The following MACROH2A2 variants were observed in gnomAD, a reference collection of about 807,000 sequenced individuals.
MACROH2A2 encodes the protein core histone macro-H2A.2.
A neutral mutation model predicts 37.6 loss-of-function variants in MACROH2A2; 6 were observed. The observed-to-expected ratio is 0.16, with a 90% CI of 0.09 to 0.32. The LOEUF is 0.32. Ranked by LOEUF, MACROH2A2 falls within the 10% of genes least tolerant of loss-of-function variation. The pLI, the probability that MACROH2A2 is intolerant of heterozygous loss-of-function variation, is 1.00. For synonymous variants in MACROH2A2, 192 were observed against 202.7 expected (o/e 0.95, Z 0.45); for missense variants, 290 against 485.9 (o/e 0.60, Z 3.79).
chr10:70,069,958 A>T (rs2072099652), intron 1 of MACROH2A2, among the ~76,000 whole-genome samples: 1 of 152,198 alleles, frequency 6.6e-6, no homozygotes, highest in Admixed American at 6.5e-5. Context: ...GGTGGTCTTT[A>T]GAAAGCAGGG....
intron 8 of MACROH2A2, among the ~76,000 whole-genome samples, chr10:70,109,733 A>G (rs1279354215): frequency 6.6e-6 from 1 of 152,236 alleles, no homozygotes; most frequent in Non-Finnish European, 1.5e-5. Context: ...CTGCAGAGCC[A>G]GGAGTTCGAG....
At chr10:70,057,670 A>G (rs927128267) in intron 1 of MACROH2A2, among the ~76,000 whole-genome samples, 2 of 152,212 alleles carry the variant, frequency 1.3e-5, no homozygotes, top group African/African-American at 4.8e-5. Flanking sequence ...TTGGTTTTGA[A>G]ATAGAGTGGA....
At chr10:70,108,556 C>A (rs913229553) in intron 7 of MACROH2A2, among the ~76,000 whole-genome samples, 1 of 152,232 alleles carries the variant, frequency 6.6e-6, no homozygotes, top group African/African-American at 2.4e-5. Context: ...GTCCCAGGCT[C>A]ACCCAGACAG....
Position 70,053,269 on chromosome 10 carries a change from G to A in MACROH2A2, c.-60+269G>A, listed in dbSNP as rs2071986711. Among the ~76,000 whole-genome samples the A allele has an allele frequency of 6.6e-6, 1 of 152,188 alleles. No homozygotes were observed. The highest frequency in any genetic ancestry group is 6.5e-5 in the Admixed American group (1 of 15,286). ...CAGCGAGGGGCCGGGGGCGTCGAGGGTACTGAGAGGGGAAGGAGGAGGGAT... is the reference window on the plus strand; with the variant it reads ...CAGCGAGGGGCCGGGGGCGTCGAGGATACTGAGAGGGGAAGGAGGAGGGAT... On this transcript the variant is annotated intron_variant, in intron 1 of 8. Transcript: ENST00000373255. The surrounding 1 kb of genome is among the most constrained non-coding windows in gnomAD (Gnocchi z 4.8).
At chr10:70,108,231 A>G (rs1222467072) in intron 7 of MACROH2A2, among the ~76,000 whole-genome samples, 3 of 152,198 alleles carry the variant, frequency 2.0e-5, no homozygotes, top group East Asian at 1.9e-4. Context: ...AAATAAAAAA[A>G]TAAAAATAAA....
chr10:70,086,837 G>A (rs1220586228), intron 2 of MACROH2A2, among the ~76,000 whole-genome samples: 1 of 152,128 alleles, frequency 6.6e-6, no homozygotes, highest in East Asian at 1.9e-4. Context: ...AGATGAGCAG[G>A]GGCAGCACAC....
At chr10:70,106,443 C>G (rs918397695) in intron 7 of MACROH2A2, among the ~76,000 whole-genome samples, 9 of 152,198 alleles carry the variant, frequency 5.9e-5, no homozygotes, top group African/African-American at 1.7e-4. Flanking sequence ...TCATCGTGCA[C>G]TACCCTGAAA....
chr10:70,093,874 T>A, intron 5 of MACROH2A2, 29 bp downstream of exon 5: 1 of 1,143,656 alleles, frequency 8.7e-7, no homozygotes, highest in Non-Finnish European at 1.3e-6. Context: ...TTGTGCTATA[T>A]TAAAACACCA....
At chr10:70,071,197 C>T (rs2072108568) in intron 1 of MACROH2A2, among the ~76,000 whole-genome samples, 1 of 152,140 alleles carries the variant, frequency 6.6e-6, no homozygotes, top group African/African-American at 2.4e-5. Flanking sequence ...AGCCAGCACA[C>T]ACCATATTCA....
intron 3 of MACROH2A2, among the ~76,000 whole-genome samples, chr10:70,091,214 G>A (rs1417542032): frequency 6.6e-6 from 1 of 152,218 alleles, no homozygotes; most frequent in African/African-American, 2.4e-5. Context: ...TTCAACTTCT[G>A]TGTCCCTTCT....
intron 2 of MACROH2A2, among the ~76,000 whole-genome samples, chr10:70,077,620 C>A (rs2072147176): frequency 6.6e-6 from 1 of 152,156 alleles, no homozygotes; most frequent in South Asian, 2.1e-4. Context: ...CGCCTGTAAT[C>A]CCAGCACTTG....
chr10:70,073,115 C>T (rs1317687756), intron 1 of MACROH2A2, among the ~76,000 whole-genome samples: 8 of 152,286 alleles, frequency 5.3e-5, no homozygotes, highest in African/African-American at 1.9e-4. Context: ...GTTCCGCAGT[C>T]CTGGGCTCCT....
At chr10:70,065,823 A>G (rs954956382) in intron 1 of MACROH2A2, among the ~76,000 whole-genome samples, 10 of 152,156 alleles carry the variant, frequency 6.6e-5, no homozygotes, top group Admixed American at 2.6e-4. Flanking sequence ...AATCAAAGAC[A>G]TAATAGAAAA....
intron 7 of MACROH2A2, among the ~76,000 whole-genome samples, chr10:70,103,631 A>C (rs2136641999): frequency 6.6e-6 from 1 of 152,384 alleles, no homozygotes; most frequent in East Asian, 1.9e-4. Context: ...AATATCAAGC[A>C]AAATACATGA....
intron 1 of MACROH2A2, among the ~76,000 whole-genome samples, chr10:70,061,106 A>G (rs1210046507): frequency 6.6e-6 from 1 of 152,188 alleles, no homozygotes; most frequent in Non-Finnish European, 1.5e-5. Context: ...CAATAAGGGC[A>G]TGTGCTAAGG....
At chr10:70,060,205 A>G (rs112029717) in intron 1 of MACROH2A2, among the ~76,000 whole-genome samples, 18,746 of 151,814 alleles carry the variant, frequency 0.12, 1,238 homozygotes, top group South Asian at 0.22. Context: ...ACCCATCTCT[A>G]CTAAAAACAC....
In MACROH2A2 at chr10:70,053,087, G is replaced by A. The variant is rs918060836; in HGVS notation, c.-60+87G>A. On this transcript the variant is annotated intron_variant, in intron 1 of 8. Coordinates refer to ENST00000373255, the MANE Select transcript of MACROH2A2 (RefSeq NM_018649.3). This position sits in a 1 kb window ranked among gnomAD's most constrained non-coding sequence, Gnocchi z 4.8. ...CGCCGCCGGGGCAGTGCAGGGGCCG[G>A]AGAGAACCACCTCTGCCTCTCCCCC... The A allele has an allele frequency of 6.6e-6, 1 of 152,342 alleles. No individual in the cohort carries two copies. Among genetic ancestry groups the A allele is most frequent in the African/African-American group, 2.4e-5 (1 of 41,446 alleles). The allele number at this position is 152,342 out of a possible 1,614,324, so 9.4% of individuals were successfully genotyped here.
At chr10:70,069,732 A>G (rs1435205640) in intron 1 of MACROH2A2, among the ~76,000 whole-genome samples, 12 of 151,838 alleles carry the variant, frequency 7.9e-5, no homozygotes, top group Non-Finnish European at 1.6e-4. Flanking sequence ...TAGCCTGAAG[A>G]AAACAAATTT....
In MACROH2A2 at chr10:70,079,551, TCGCGCG is replaced by T. The variant is rs778240404; in HGVS notation, c.172+3731_172+3736del. 3.3e-3 allele frequency among the ~76,000 whole-genome samples: 379 copies of T among 114,110 alleles called. 3 individuals are homozygous for T. The highest frequency in any genetic ancestry group is 0.015 in the East Asian group (57 of 3,838). The allele number at this position is 114,110 out of a possible 152,430, so 74.9% of individuals were successfully genotyped here. ...GGCCCTTGAAGGCCACGTTGAGGGT[TCGCGCG>T]CGCGCGCGCACACACACACACACAC... On this transcript the variant is annotated intron_variant, in intron 2 of 8. Coordinates refer to ENST00000373255, the MANE Select transcript of MACROH2A2 (RefSeq NM_018649.3).
Sources: gnomAD v4.1 joint callset for allele counts (sites outside exome capture counted in the v4.1 genomes callset) on GRCh38, gnomAD v4.1.1 for gene constraint, Gnocchi (gnomAD v3.1) non-coding constraint, MANE v1.5 for transcripts, NCBI Gene and HGNC (gene_info 2026-07-23, HGNC 2026-07-21) for gene names.